Variants in GNG12 observed in about 807,000 individuals in gnomAD.
GNG12 encodes the protein guanine nucleotide-binding protein G(I)/G(S)/G(O) subunit gamma-12.
For missense variants in GNG12, 69 were observed against 83.8 expected (o/e 0.82, Z 0.69); for synonymous variants, 28 against 29.7 (o/e 0.94, Z 0.19).
intron 2 of GNG12, among the ~76,000 whole-genome samples, chr1:67,738,842 G>C (rs1347820347): frequency 6.6e-6 from 1 of 152,158 alleles, no homozygotes; most frequent in East Asian, 1.9e-4. Context: ...TTGTATCACT[G>C]CATTCCATTC....
At chr1:67,749,103 A>G (rs12729679) in intron 2 of GNG12, among the ~76,000 whole-genome samples, 65,503 of 152,106 alleles carry the variant, frequency 0.43, 15,596 homozygotes, top group South Asian at 0.55. Flanking sequence ...GCAGGAGAAT[A>G]AAGCAGAAGG....
chr1:67,766,122 A>G (rs912689918), intron 2 of GNG12, among the ~76,000 whole-genome samples: 1 of 147,360 alleles, frequency 6.8e-6, no homozygotes, highest in Admixed American at 6.8e-5. Context: ...ACACACACAC[A>G]CACACACACA....
intron 2 of GNG12, among the ~76,000 whole-genome samples, chr1:67,733,897 G>GC (rs1382083847): frequency 6.6e-6 from 1 of 152,188 alleles, no homozygotes; most frequent in African/African-American, 2.4e-5. Flanking sequence ...CCCTCATACA[G>GC]CACCCATTCT....
At chr1:67,765,808 T>C (rs1260019493) in intron 2 of GNG12, among the ~76,000 whole-genome samples, 1 of 152,174 alleles carries the variant, frequency 6.6e-6, no homozygotes, top group African/African-American at 2.4e-5. Context: ...CTAAAGTCTA[T>C]AATTTAGGAT....
chr1:67,713,836 C>A (rs1283723696), intron 2 of GNG12, among the ~76,000 whole-genome samples: 1 of 152,198 alleles, frequency 6.6e-6, no homozygotes, highest in Non-Finnish European at 1.5e-5. Context: ...CAAATGTTTA[C>A]TAAATGCCGG....
chr1:67,765,097 GAAT>G (rs1646627889), intron 2 of GNG12, among the ~76,000 whole-genome samples: 1 of 152,036 alleles, frequency 6.6e-6, no homozygotes, highest in Non-Finnish European at 1.5e-5. Flanking sequence ...AAATATATAA[GAAT>G]ATTATCAATA....
chr1:67,728,005 A>G (rs1181864278), intron 2 of GNG12, among the ~76,000 whole-genome samples: 2 of 152,188 alleles, frequency 1.3e-5, no homozygotes, highest in Non-Finnish European at 1.5e-5. Flanking sequence ...CTGGACCTTA[A>G]ACAGAGGAAA....
chr1:67,762,631 G>A (rs1035405926), intron 2 of GNG12, among the ~76,000 whole-genome samples: 1 of 152,122 alleles, frequency 6.6e-6, no homozygotes, highest in Non-Finnish European at 1.5e-5. Context: ...TGGTAAAGAC[G>A]CAGAGTAAGA....
intron 2 of GNG12, among the ~76,000 whole-genome samples, chr1:67,763,497 T>G (rs1646618291): frequency 6.6e-6 from 1 of 152,056 alleles, no homozygotes; most frequent in African/African-American, 2.4e-5. Flanking sequence ...GTTATGCACG[T>G]TTGGTAGGGA....
chr1:67,831,074 T>G (rs1647041683), intron 1 of GNG12, among the ~76,000 whole-genome samples: 1 of 152,208 alleles, frequency 6.6e-6, no homozygotes, highest in Non-Finnish European at 1.5e-5. Flanking sequence ...TCTGTCTGAC[T>G]CCAAAGCCAA....
chr1:67,710,751 G>A (rs186125341), intron 2 of GNG12, among the ~76,000 whole-genome samples: 59 of 152,138 alleles, frequency 3.9e-4, no homozygotes, highest in African/African-American at 1.2e-3. Context: ...TGATATCTGC[G>A]TTCAGACCTG....
intron 1 of GNG12, among the ~76,000 whole-genome samples, chr1:67,807,743 A>G (rs185140732): frequency 1.3e-5 from 2 of 152,264 alleles, no homozygotes; most frequent in Non-Finnish European, 2.9e-5. Flanking sequence ...TGAAAGATAC[A>G]ATCTGCCAAC....
chr1:67,709,891 TATATA>T (rs1429103238), intron 2 of GNG12, among the ~76,000 whole-genome samples: 1 of 114,918 alleles, frequency 8.7e-6, no homozygotes, highest in African/African-American at 3.7e-5. Context: ...TATATATAGT[TATATA>T]TATATTTTTA....
intron 2 of GNG12, among the ~76,000 whole-genome samples, chr1:67,728,229 T>C (rs186114036): frequency 3.9e-5 from 6 of 152,222 alleles, no homozygotes; most frequent in Admixed American, 3.9e-4. Context: ...AGTCAGAGTA[T>C]CAGGGTAGGA....
At chr1:67,827,814 A>G (rs1193055416) in intron 1 of GNG12, among the ~76,000 whole-genome samples, 1 of 152,214 alleles carries the variant, frequency 6.6e-6, no homozygotes, top group African/African-American at 2.4e-5. Flanking sequence ...GATGGTAACC[A>G]GACACTTCAC....
chr1:67,833,368 C>T lies in GNG12; in HGVS notation c.-101G>A. 1 of 985,436 alleles carries T rather than the reference C, an allele frequency of 1.0e-6. No homozygotes were observed. The highest frequency in any genetic ancestry group is 1.7e-5 in the African/African-American group (1 of 57,308). The allele number at this position is 985,436 out of a possible 1,614,324, so 61.0% of individuals were successfully genotyped here. On this transcript the variant is annotated 5_prime_UTR_variant, in exon 1 of 4. Coordinates refer to ENST00000370982, the MANE Select transcript of GNG12 (RefSeq NM_018841.6). ...CCCGCCTGCCGGTGCGCTGCCCCGC[C>T]GTCGCCGCCGGGACTCGGTCTCTAA...
At chr1:67,712,113 A>T (rs1646299115) in intron 2 of GNG12, among the ~76,000 whole-genome samples, 1 of 152,232 alleles carries the variant, frequency 6.6e-6, no homozygotes, top group South Asian at 2.1e-4. Flanking sequence ...CAAGATAGAA[A>T]GCCTGGGGAA....
intron 2 of GNG12, among the ~76,000 whole-genome samples, chr1:67,712,858 T>C (rs567729146): frequency 2.3e-4 from 35 of 151,608 alleles, no homozygotes; most frequent in African/African-American, 8.0e-4. Flanking sequence ...CCTCTTTTTT[T>C]GAGATGGAGT....
At chr1:67,707,366 T>C (rs914865604) in intron 3 of GNG12, among the ~76,000 whole-genome samples, 1 of 152,172 alleles carries the variant, frequency 6.6e-6, no homozygotes, top group African/African-American at 2.4e-5. Flanking sequence ...CCTTAGGAAA[T>C]CCTGTCCAGA....
Sources: allele counts gnomAD v4.1 joint callset (sites outside exome capture counted in the v4.1 genomes callset), GRCh38; gene constraint gnomAD v4.1.1; transcripts MANE v1.5; gene names NCBI Gene and HGNC (gene_info 2026-07-23, HGNC 2026-07-21).